Variants in PROSER3 observed in about 807,000 individuals in gnomAD.
PROSER3 encodes the protein proline and serine rich 3.
PROSER3 carries 33 observed loss-of-function variants against 50.2 expected under a neutral mutation model. That is an observed-to-expected ratio of 0.66 (90% confidence interval 0.50 to 0.88). The LOEUF is 0.88. PROSER3 is among the 40% of genes least tolerant of loss of function. The pLI is 0.00. For synonymous variants in PROSER3, 266 were observed against 259.3 expected, an observed-to-expected ratio of 1.03 and a Z score of -0.25; for missense variants, 623 against 612.7, an observed-to-expected ratio of 1.02 and a Z score of -0.18.
chr19:35,768,483 C>T, exon 11 of PROSER3: 1 of 1,598,248 alleles, frequency 6.3e-7, no homozygotes, highest in South Asian at 1.1e-5. Flanking sequence ...CGGGTCGCCC[C>T]CTAGGTCCCC....
In PROSER3 at chr19:35,763,306, ATTC is replaced by A. The variant is rs369394867; in HGVS notation, c.543+955_543+957del. ...AACCTCCGCCTCTCGGGGTCAAGCA[ATTC>A]TTCTGCCTCAGCCTCCTGAGTAGCT... On this transcript the variant is annotated intron_variant, in intron 5 of 10. Coordinates refer to ENST00000396908, the Ensembl canonical transcript of PROSER3. 4.1e-3 allele frequency among the ~76,000 whole-genome samples: 614 copies of A among 151,514 alleles called. 6 individuals carry two copies. Among genetic ancestry groups the A allele is most frequent in the African/African-American group, 0.015 (601 of 41,298 alleles).
intron 5 of PROSER3, among the ~76,000 whole-genome samples, chr19:35,764,457 G>A (rs1194348645): frequency 6.6e-6 from 1 of 152,076 alleles, no homozygotes; most frequent in Admixed American, 6.5e-5. Flanking sequence ...GCGAGTTTGA[G>A]ACCAGCCTGA....
Position 35,761,943 on chromosome 19 carries a change from G to A in PROSER3, c.312-76G>A, listed in dbSNP as rs1353017890. 9.0e-6 allele frequency: 13 copies of A among 1,447,274 alleles called. No homozygotes were observed. The South Asian group carries it at 1.0e-4, about 12-fold the overall frequency. 89.7% of individuals were successfully genotyped at this position (1,447,274 alleles called of 1,614,324 possible). A position where few individuals can be genotyped will look rare whatever the true frequency, so the allele number is the denominator to read the frequency against. On this transcript the variant is annotated intron_variant, in intron 3 of 10. Transcript: ENST00000396908. Reference sequence around the variant, plus strand: ...GGCTCTGCCATGGTGCTTGGTAAACGTTGGCTGCTATAATTATTCTTATTA... The same window carrying A: ...GGCTCTGCCATGGTGCTTGGTAAACATTGGCTGCTATAATTATTCTTATTA...
downstream of PROSER3, among the ~76,000 whole-genome samples, chr19:35,770,240 G>T (rs1234509734): frequency 6.6e-6 from 1 of 151,454 alleles, no homozygotes; most frequent in Non-Finnish European, 1.5e-5. Context: ...GTTTCACCAT[G>T]TTGGCCAGGC....
chr19:35,766,887 G>C (rs1347158059), exon 8 of PROSER3: 12 of 1,552,600 alleles, frequency 7.7e-6, no homozygotes, highest in Non-Finnish European at 1.0e-5. Flanking sequence ...GCGGAAGCTT[G>C]AACAGGCTCA....
intron 2 of PROSER3, 27 bp from the exon 3 acceptor site, chr19:35,759,762 T>C (rs1217840940): frequency 6.5e-7 from 1 of 1,542,664 alleles, no homozygotes; most frequent in Admixed American, 2.0e-5. Flanking sequence ...TCACACTTTT[T>C]CTTCTTGTGC....
chr19:35,759,754 A>C (rs1459610700), intron 2 of PROSER3, 35 bp from the exon 3 acceptor site: 1 of 1,531,936 alleles, frequency 6.5e-7, no homozygotes, highest in Non-Finnish European at 8.9e-7. Flanking sequence ...ATGAGACCTC[A>C]CACTTTTTCT....
chr19:35,769,531 C>T (rs935978947), downstream of PROSER3: 1 of 152,210 alleles, frequency 6.6e-6, no homozygotes, highest in African/African-American at 2.4e-5. Flanking sequence ...TGGTCTTGGT[C>T]TCCTGACCTC....
exon 1 of PROSER3, chr19:35,758,197 G>C (rs1056200228): frequency 6.4e-7 from 1 of 1,559,138 alleles, no homozygotes; most frequent in East Asian, 2.4e-5. Flanking sequence ...GCGGCCGGAA[G>C]CGCGGAGGGA....
chr19:35,766,453 G>A (rs1971143933), intron 7 of PROSER3, among the ~76,000 whole-genome samples: 1 of 152,136 alleles, frequency 6.6e-6, no homozygotes, highest in African/African-American at 2.4e-5. Context: ...GGTTAAGGCA[G>A]GAGGATCGCC....
chr19:35,768,425 G>A (rs1241423765), exon 11 of PROSER3: 6 of 1,597,232 alleles, frequency 3.8e-6, no homozygotes, highest in Admixed American at 3.3e-5. Flanking sequence ...CCCGATTATC[G>A]TTCCTGTTGG....
At chr19:35,770,212 A>G (rs1014084470), downstream of PROSER3, among the ~76,000 whole-genome samples, 3 of 151,810 alleles carry the variant, frequency 2.0e-5, no homozygotes, top group Admixed American at 2.0e-4. Context: ...AATTTTTTGT[A>G]TTTTTAGTAG....
At chr19:35,761,084 G>A (rs1193511077) in intron 3 of PROSER3, among the ~76,000 whole-genome samples, 1 of 152,218 alleles carries the variant, frequency 6.6e-6, no homozygotes, top group East Asian at 1.9e-4. Context: ...CTAGGCCGTT[G>A]CCCTTTCCTT....
exon 5 of PROSER3, chr19:35,762,324 C>T (rs1970980361): frequency 6.2e-7 from 1 of 1,608,992 alleles, no homozygotes; most frequent in African/African-American, 1.3e-5. Context: ...CAGTGCATCC[C>T]ATGCTGTGGC....
intron 5 of PROSER3, 123 bp downstream of exon 5, chr19:35,762,479 T>G: frequency 1.2e-6 from 1 of 852,170 alleles, no homozygotes; most frequent in Non-Finnish European, 1.8e-6. Flanking sequence ...GAGGCCAAGG[T>G]GAGAGGACTG....
intron 8 of PROSER3, chr19:35,767,431 G>A (rs115772484): frequency 4.2e-4 from 42 of 99,852 alleles, no homozygotes; most frequent in African/African-American, 1.7e-3. Flanking sequence ...CCTCCACCCC[G>A]GCTCCCCTGG....
At position 35,767,927 on chromosome 19, in the gene PROSER3, G is replaced by A. The variant is rs550511027; in HGVS notation, c.1081G>A (p.Ala361Thr). The change falls in exon 9 of 11, where the codon GCA becomes ACA. Residue 361 changes from alanine (A) to threonine (T), a missense_variant. Coordinates refer to ENST00000396908, the Ensembl canonical transcript of PROSER3. Reference sequence around the variant, plus strand: ...GGTCCCACTCTCTCCAGCTGAGCAGGCAACCACAGTCAAGGCCTCGCCGCC... The same window carrying A: ...GGTCCCACTCTCTCCAGCTGAGCAGACAACCACAGTCAAGGCCTCGCCGCC... 141 of 1,612,312 alleles carry A rather than the reference G, an allele frequency of 8.7e-5. 2 individuals are homozygous for A. In the South Asian group the frequency reaches 1.5e-3, roughly 18 times the overall value.
chr19:35,762,262 A>G (rs1568409974), exon 5 of PROSER3: 2 of 1,611,300 alleles, frequency 1.2e-6, no homozygotes. Context: ...GCAGGAGCCA[A>G]CAAACCAGAA....
intron 8 of PROSER3, 39 bp from the exon 9 acceptor site, chr19:35,767,033 T>C (rs1296449755): frequency 5.1e-5 from 10 of 195,926 alleles, no homozygotes; most frequent in Non-Finnish European, 5.4e-5. Flanking sequence ...CCCTCCACCC[T>C]CTCTCTCTCT....
Sources: allele counts gnomAD v4.1 joint callset (sites outside exome capture counted in the v4.1 genomes callset), GRCh38; gene constraint gnomAD v4.1.1; transcripts MANE v1.5; gene names NCBI Gene and HGNC (gene_info 2026-07-23, HGNC 2026-07-21).